The following CNTD1 variants were observed in gnomAD, a reference collection of about 807,000 sequenced individuals.
The protein encoded by CNTD1 is cyclin N-terminal domain-containing protein 1.
CNTD1 carries 17 observed loss-of-function variants against 36.3 expected under a neutral mutation model. That is an observed-to-expected ratio of 0.47 (90% CI 0.32 to 0.70). CNTD1 has a LOEUF of 0.70. Among genes scored for constraint, CNTD1 ranks in the 30% least tolerant of loss-of-function variants. The probability of loss-of-function intolerance (pLI) is 0.03; values close to 1 mark genes in which losing one functional copy is unlikely to be tolerated. For missense variants in CNTD1, 338 were observed against 386.1 expected, an observed-to-expected ratio of 0.88 and a Z score of 1.04; for synonymous variants, 128 against 153.3, an observed-to-expected ratio of 0.83 and a Z score of 1.22.
At chr17:42,808,826 T>C (rs1289222212) in intron 6 of CNTD1, among the ~76,000 whole-genome samples, 1 of 151,568 alleles carries the variant, frequency 6.6e-6, no homozygotes, top group Non-Finnish European at 1.5e-5. Flanking sequence ...GGCAGGAGGA[T>C]TGCTTGAGCC....
At chr17:42,805,676 G>A (rs1424290320) in intron 3 of CNTD1, 46 bp from the exon 4 acceptor site, 1 of 1,552,764 alleles carries the variant, frequency 6.4e-7, no homozygotes, top group South Asian at 1.2e-5. Flanking sequence ...CAAGACGTAT[G>A]AACTTTATCC....
intron 1 of CNTD1, among the ~76,000 whole-genome samples, chr17:42,802,318 A>G (rs887220544): frequency 6.6e-6 from 1 of 152,166 alleles, no homozygotes; most frequent in African/African-American, 2.4e-5. Flanking sequence ...GTTATCGAGG[A>G]GGTGGGGCCA....
intron 4 of CNTD1, 47 bp from the exon 5 acceptor site, chr17:42,806,627 G>A (rs2054883034): frequency 6.3e-7 from 1 of 1,580,470 alleles, no homozygotes; most frequent in Non-Finnish European, 8.7e-7. Flanking sequence ...TATGATCAGA[G>A]AAGACATGAT....
At chr17:42,801,508 AAAATATATATATATATATAT>A (rs1395445113) in intron 1 of CNTD1, among the ~76,000 whole-genome samples, 17 of 50,972 alleles carry the variant, frequency 3.3e-4, no homozygotes, top group Admixed American at 1.3e-3. Flanking sequence ...AAAAAAAAAA[AAAATATATATATATATATAT>A]ATATATATAT....
intron 1 of CNTD1, among the ~76,000 whole-genome samples, chr17:42,801,103 T>G (rs1385276137): frequency 5.7e-5 from 8 of 139,614 alleles, no homozygotes; most frequent in Middle Eastern, 4.5e-3. Flanking sequence ...GGGAATGGCT[T>G]GAACCTGGGA....
intron 1 of CNTD1, among the ~76,000 whole-genome samples, chr17:42,802,538 A>G (rs762212277): frequency 2.6e-4 from 40 of 152,234 alleles, no homozygotes; most frequent in Admixed American, 2.0e-4. Context: ...AGACACAATT[A>G]TATGTTCTAG....
chr17:42,808,449 G>A (rs1210191066), intron 6 of CNTD1, among the ~76,000 whole-genome samples: 4 of 151,568 alleles, frequency 2.6e-5, no homozygotes, highest in East Asian at 1.9e-4. Context: ...TACCCAGGAG[G>A]CCAAGGTAGA....
chr17:42,803,820 G>T (rs1022288560), intron 2 of CNTD1, 125 bp downstream of exon 2: 2 of 737,552 alleles, frequency 2.7e-6, no homozygotes, highest in African/African-American at 1.8e-5. Context: ...TCTCTAACTT[G>T]CAAATATAAA....
rs1034193052 is a variant in CNTD1, at chr17:42,810,663, T to C, written c.*1128T>C. 2.3e-6 allele frequency: 3 copies of C among 1,302,786 alleles called. No homozygotes were observed. The highest frequency in any genetic ancestry group is 2.1e-6 in the Non-Finnish European group (2 of 956,066). The allele number at this position is 1,302,786 out of a possible 1,614,324, so 80.7% of individuals were successfully genotyped here. ...TTTTTCTTTTTTGGTATTGTAAACA[T>C]GTACTGTTTAATATTACCCGAATTT... On this transcript the variant is annotated 3_prime_UTR_variant, in exon 7 of 7. Coordinates refer to ENST00000588408, the MANE Select transcript of CNTD1 (RefSeq NM_173478.3).
At chr17:42,808,553 T>TAAAAA (rs775660371) in intron 6 of CNTD1, among the ~76,000 whole-genome samples, 2 of 99,918 alleles carry the variant, frequency 2.0e-5, no homozygotes, top group Non-Finnish European at 2.0e-5. Flanking sequence ...CCCATCTCAT[T>TAAAAA]AAAAAAAAAA....
chr17:42,799,546 G>C (rs1271221627), intron 1 of CNTD1, among the ~76,000 whole-genome samples: 1 of 151,724 alleles, frequency 6.6e-6, no homozygotes, highest in African/African-American at 2.4e-5. Context: ...GAGGTCAGGA[G>C]TTCGAGACCA....
chr17:42,799,096 C>A lies in CNTD1; in HGVS notation c.29C>A (p.Ala10Asp), dbSNP rs2054726252. The A allele has an allele frequency of 6.2e-7, 1 of 1,614,046 alleles. No homozygotes were observed. Among genetic ancestry groups the A allele is most frequent in the African/African-American group, 1.3e-5 (1 of 75,018 alleles). MDGPMRPRSASLVDFQFGVV... is the reference protein window; with the variant it reads MDGPMRPRSDSLVDFQFGVV... ...GACGGACCCATGAGGCCACGATCGG[C>A]CTCCCTCGTTGACTTTCAGTTTGGA... Residue 10 changes from alanine to aspartate, a missense_variant, in exon 1 of 7, where the codon GCC becomes GAC. Transcript: ENST00000588408.
Position 42,811,460 on chromosome 17 carries a change from T to C in CNTD1, c.*1925T>C. 2 of 555,996 alleles carry C rather than the reference T, an allele frequency of 3.6e-6. No homozygotes were observed. Among genetic ancestry groups the C allele is most frequent in the Non-Finnish European group, 5.8e-6 (2 of 342,442 alleles). 34.4% of individuals were successfully genotyped at this position (555,996 alleles called of 1,614,324 possible). A position where few individuals can be genotyped will look rare whatever the true frequency, so the allele number is the denominator to read the frequency against. On this transcript the variant is annotated 3_prime_UTR_variant, in exon 7 of 7. Transcript: ENST00000588408. ...TAAACCATCTAAGGCAACATTCTTC[T>C]ACTCCAAGGACTAGGTGGTCACATT...
intron 1 of CNTD1, among the ~76,000 whole-genome samples, chr17:42,801,566 G>GTA (rs1385738115): frequency 1.4e-5 from 2 of 142,808 alleles, no homozygotes; most frequent in African/African-American, 5.1e-5. Flanking sequence ...GTGTGTGTGT[G>GTA]TGTGTGTGTG....
Position 42,811,493 on chromosome 17 carries a change from G to T in CNTD1, c.*1958G>T. ...GGACTAGGTGGTCACATTCTGTCCTGCTTGCAGTACTGGGTCAGTCTCTGC... is the reference window on the plus strand; with the variant it reads ...GGACTAGGTGGTCACATTCTGTCCTTCTTGCAGTACTGGGTCAGTCTCTGC... On this transcript the variant is annotated 3_prime_UTR_variant, in exon 7 of 7. Transcript: ENST00000588408. The T allele has an allele frequency of 1.2e-6, 1 of 840,732 alleles. No homozygotes were observed. The allele number at this position is 840,732 out of a possible 1,614,324, so 52.1% of individuals were successfully genotyped here. A position where few individuals can be genotyped will look rare whatever the true frequency, so the allele number is the denominator to read the frequency against.
rs780393099 is a variant in CNTD1, at chr17:42,799,752, C to CAAAAAA, written c.169+542_169+547dup. The stretch of plus-strand genomic sequence containing the variant: ...AGACGACAAGAATGAAACTCCGTCT[C>CAAAAAA]AAAAAAAAAAAAAAAAAAAAAAAAA... On this transcript the variant is annotated intron_variant, in intron 1 of 6. Transcript: ENST00000588408. Among the ~76,000 whole-genome samples the CAAAAAA allele has an allele frequency of 5.7e-3, 60 of 10,592 alleles. 10 individuals are homozygous for CAAAAAA. Among genetic ancestry groups the CAAAAAA allele is most frequent in the African/African-American group, 0.013 (54 of 4,090 alleles). The allele number at this position is 10,592 out of a possible 152,430, so 6.9% of individuals were successfully genotyped here.
At chr17:42,809,278 A>C (rs138856493) in intron 6 of CNTD1, 87 bp from the exon 7 acceptor site, 4 of 1,256,116 alleles carry the variant, frequency 3.2e-6, no homozygotes, top group Middle Eastern at 2.0e-4. Context: ...AATTGCCTTG[A>C]GAGAACATCC....
Position 42,811,431 on chromosome 17 carries a change from C to T in CNTD1, c.*1896C>T, listed in dbSNP as rs1652035573. 6.6e-6 allele frequency: 3 copies of T among 452,516 alleles called. No homozygotes were observed. Among genetic ancestry groups the T allele is most frequent in the Non-Finnish European group, 1.1e-5 (3 of 266,916 alleles). The allele number at this position is 452,516 out of a possible 1,614,324, so 28.0% of individuals were successfully genotyped here. A position where few individuals can be genotyped will look rare whatever the true frequency, so the allele number is the denominator to read the frequency against. The stretch of plus-strand genomic sequence containing the variant: ...GGCTTGAGCTCTATGCCAAGAAAAC[C>T]CCCTAAACCATCTAAGGCAACATTC... On this transcript the variant is annotated 3_prime_UTR_variant, in exon 7 of 7. Transcript: ENST00000588408.
At chr17:42,807,964 C>A in intron 6 of CNTD1, 100 bp downstream of exon 6, 2 of 879,940 alleles carry the variant, frequency 2.3e-6, no homozygotes, top group Non-Finnish European at 1.8e-6. Context: ...TACAGAAGTG[C>A]CAAGACCCAG....
Sources: allele counts gnomAD v4.1 joint callset (sites outside exome capture counted in the v4.1 genomes callset), GRCh38; gene constraint gnomAD v4.1.1; transcripts MANE v1.5; gene names NCBI Gene and HGNC (gene_info 2026-07-23, HGNC 2026-07-21).